The following SUGCT variants were observed in gnomAD, a reference collection of about 807,000 sequenced individuals.
SUGCT encodes succinyl-CoA:glutarate-CoA transferase.
In SUGCT, 41 loss-of-function variants were observed where a neutral mutation model predicts 55.0. The observed-to-expected ratio is 0.74, with a 90% confidence interval of 0.58 to 0.97. The LOEUF is 0.97. Among genes scored for constraint, SUGCT ranks in the 50% least tolerant of loss-of-function variants. The pLI is 0.00. For missense variants in SUGCT, 568 were observed against 547.8 expected, an observed-to-expected ratio of 1.04 and a Z score of -0.37; for synonymous variants, 187 against 200.4, an observed-to-expected ratio of 0.93 and a Z score of 0.56.
intron 12 of SUGCT, among the ~76,000 whole-genome samples, chr7:40,615,169 C>A (rs1798942085): frequency 2.0e-5 from 3 of 152,052 alleles, no homozygotes; most frequent in South Asian, 4.1e-4. Flanking sequence ...CAAATTTGAT[C>A]TAATAACATA....
chr7:40,717,006 T>C (rs1214597927), intron 12 of SUGCT, among the ~76,000 whole-genome samples: 2 of 152,034 alleles, frequency 1.3e-5, no homozygotes, highest in African/African-American at 4.8e-5. Flanking sequence ...AAAACCAATA[T>C]GATAGAAAAA....
intron 8 of SUGCT, among the ~76,000 whole-genome samples, chr7:40,281,900 A>C (rs1449622172): frequency 1.3e-5 from 2 of 152,100 alleles, no homozygotes; most frequent in Non-Finnish European, 2.9e-5. Context: ...CACTCACTGC[A>C]ACCTCTGCCT....
intron 1 of SUGCT, among the ~76,000 whole-genome samples, chr7:40,150,931 G>C (rs980309810): frequency 6.6e-6 from 1 of 151,998 alleles, no homozygotes; most frequent in African/African-American, 2.4e-5. Context: ...AAGAGATGAA[G>C]AGAAAGGGAG....
intron 1 of SUGCT, 46 bp from the exon 2 acceptor site, chr7:40,180,901 A>G (rs753255609): frequency 1.1e-5 from 16 of 1,420,052 alleles, no homozygotes; most frequent in Non-Finnish European, 1.4e-5. Flanking sequence ...AAAATGTAAG[A>G]AAATTACTAA....
At chr7:40,138,317 G>A (rs1025378593) in intron 1 of SUGCT, among the ~76,000 whole-genome samples, 1 of 152,142 alleles carries the variant, frequency 6.6e-6, no homozygotes, top group Non-Finnish European at 1.5e-5. Flanking sequence ...TGCTGCAAAA[G>A]ACATAATTTC....
At chr7:41,010,084 T>C in the SUGCT span, among the ~76,000 whole-genome samples, 4 of 152,214 alleles carry the variant, frequency 2.6e-5, no homozygotes, top group African/African-American at 9.6e-5. Context: ...GGAAGCTTGC[T>C]CCCTGCCCTC....
At chr7:40,353,990 C>T (rs985649337) in intron 9 of SUGCT, among the ~76,000 whole-genome samples, 2 of 152,094 alleles carry the variant, frequency 1.3e-5, no homozygotes, top group African/African-American at 4.8e-5. Flanking sequence ...AGACAAGAGA[C>T]CGGGAAGTAG....
chr7:40,555,812 G>A lies in SUGCT; in HGVS notation c.1089+59426G>A, dbSNP rs1795531612. The stretch of plus-strand genomic sequence containing the variant: ...TATCTCGGTGTGGCTGCTCATGTTT[G>A]AATGGTCTTGTAGGCTTTCCCCAAG... On this transcript the variant is annotated intron_variant, in intron 12 of 13. Coordinates refer to ENST00000335693, the MANE Select transcript of SUGCT (RefSeq NM_001193313.2). 2.0e-5 allele frequency among the ~76,000 whole-genome samples: 3 copies of A among 151,692 alleles called. No individual in the cohort carries two copies. The South Asian group carries it at 6.3e-4, about 32-fold the overall frequency.
At chr7:40,874,536 C>T in the SUGCT span, among the ~76,000 whole-genome samples, 3 of 152,116 alleles carry the variant, frequency 2.0e-5, no homozygotes, top group Non-Finnish European at 4.4e-5. Flanking sequence ...GTAACTGTTG[C>T]TGTTATTATC....
At chr7:40,896,711 C>A in the SUGCT span, among the ~76,000 whole-genome samples, 1 of 152,166 alleles carries the variant, frequency 6.6e-6, no homozygotes, top group East Asian at 1.9e-4. Flanking sequence ...TTAATTAAAT[C>A]TCTTTCCTTT....
chr7:40,342,647 C>CT (rs67932481), intron 9 of SUGCT, among the ~76,000 whole-genome samples: 5 of 146,816 alleles, frequency 3.4e-5, no homozygotes, highest in Admixed American at 6.8e-5. Flanking sequence ...TAAACGTGTA[C>CT]TTTTTTTTTT....
At chr7:40,327,581 A>C (rs973940886) in intron 9 of SUGCT, among the ~76,000 whole-genome samples, 1 of 152,232 alleles carries the variant, frequency 6.6e-6, no homozygotes, top group Non-Finnish European at 1.5e-5. Context: ...TAGTGTTTTA[A>C]ATGTGTTTCG....
At chr7:40,550,633 T>G (rs1795248418) in intron 12 of SUGCT, among the ~76,000 whole-genome samples, 1 of 152,248 alleles carries the variant, frequency 6.6e-6, no homozygotes, top group South Asian at 2.1e-4. Context: ...AATCATATGC[T>G]ATGGCAAAAG....
At chr7:40,450,276 CTT>C (rs371666531) in intron 10 of SUGCT, among the ~76,000 whole-genome samples, 5 of 151,938 alleles carry the variant, frequency 3.3e-5, no homozygotes, top group Admixed American at 1.3e-4. Context: ...GTTATCAAGA[CTT>C]TGGTGTTTTG....
the SUGCT span, among the ~76,000 whole-genome samples, chr7:40,906,645 A>G: frequency 6.6e-6 from 1 of 152,224 alleles, no homozygotes; most frequent in Non-Finnish European, 1.5e-5. Context: ...GTGATTTAAA[A>G]TATGCAAGAG....
At chr7:40,981,383 G>C in the SUGCT span, among the ~76,000 whole-genome samples, 2 of 152,286 alleles carry the variant, frequency 1.3e-5, no homozygotes, top group South Asian at 4.1e-4. Flanking sequence ...CACTGGCAGT[G>C]TCTTTGCTGG....
the SUGCT span, among the ~76,000 whole-genome samples, chr7:40,868,982 C>G: frequency 6.6e-6 from 1 of 152,134 alleles, no homozygotes; most frequent in Non-Finnish European, 1.5e-5. Context: ...TTTATATAAC[C>G]AATGTAACAT....
intron 10 of SUGCT, among the ~76,000 whole-genome samples, chr7:40,458,744 A>G (rs1789624260): frequency 6.6e-6 from 1 of 152,194 alleles, no homozygotes; most frequent in Admixed American, 6.5e-5. Context: ...CGTTTTACCC[A>G]GTTTAGCATC....
chr7:40,137,170 G>A (rs1055646593), intron 1 of SUGCT, among the ~76,000 whole-genome samples: 2 of 152,030 alleles, frequency 1.3e-5, no homozygotes, highest in African/African-American at 2.4e-5. Flanking sequence ...CTCTGTCACC[G>A]AGGCTGGAGT....
Sources: allele counts gnomAD v4.1 joint callset (sites outside exome capture counted in the v4.1 genomes callset), GRCh38; gene constraint gnomAD v4.1.1; transcripts MANE v1.5; gene names NCBI Gene and HGNC (gene_info 2026-07-23, HGNC 2026-07-21).